EYS: variants seen among roughly 807,000 people sequenced by gnomAD.
The protein encoded by EYS is EGF-like photoreceptor maintenance factor.
A neutral mutation model predicts 282.1 loss-of-function variants in EYS; 250 were observed. That is an observed-to-expected ratio of 0.89 (90% CI 0.80 to 0.98). EYS has a LOEUF of 0.98. Among genes scored for constraint, EYS ranks in the 50% least tolerant of loss-of-function variants. The pLI is 0.00. For synonymous variants in EYS, 1,355 were observed against 1,282.9 expected, an observed-to-expected ratio of 1.06 and a Z score of -1.20; for missense variants, 4,016 against 3,709.0, an observed-to-expected ratio of 1.08 and a Z score of -2.15.
At chr6:65,471,894 C>A (rs995655839) in intron 5 of EYS, among the ~76,000 whole-genome samples, 2 of 151,818 alleles carry the variant, frequency 1.3e-5, no homozygotes, top group African/African-American at 4.8e-5. Context: ...TTAAATGAGA[C>A]ATATTTAAAA....
chr6:64,026,485 T>C (rs988090095), intron 33 of EYS, among the ~76,000 whole-genome samples: 9 of 152,274 alleles, frequency 5.9e-5, no homozygotes, highest in Non-Finnish European at 1.2e-4. Context: ...TTGGCCCCAA[T>C]ATTCTCTCTC....
chr6:63,940,540 G>T (rs1765202658), intron 35 of EYS, among the ~76,000 whole-genome samples: 2 of 152,180 alleles, frequency 1.3e-5, no homozygotes, highest in Non-Finnish European at 2.9e-5. Flanking sequence ...GCCAGCAAAG[G>T]ATGGTTTGTT....
At chr6:65,286,684 A>G (rs1768376716) in intron 12 of EYS, among the ~76,000 whole-genome samples, 1 of 151,860 alleles carries the variant, frequency 6.6e-6, no homozygotes, top group East Asian at 1.9e-4. Context: ...TAAAAAGGGA[A>G]GAAAAACAAG....
chr6:65,169,087 T>C lies in EYS; in HGVS notation c.2024-111360A>G, dbSNP rs527911007. Among the ~76,000 whole-genome samples the C allele has an allele frequency of 2.6e-5, 4 of 151,638 alleles. No individual in the cohort carries two copies. In the South Asian group the frequency reaches 6.2e-4, roughly 24 times the overall value. ...ACATTTACTTTATGTACTAATGTAC[T>C]TGTATTGTTATGTGACTGAGTCCAA... On this transcript the variant is annotated intron_variant, in intron 12 of 42. Transcript: ENST00000503581.
intron 26 of EYS, among the ~76,000 whole-genome samples, chr6:64,513,546 T>G (rs559972873): frequency 6.6e-6 from 1 of 152,010 alleles, no homozygotes; most frequent in Non-Finnish European, 1.5e-5. Flanking sequence ...AACAAATGAT[T>G]AAGTGCTAAA....
intron 19 of EYS, among the ~76,000 whole-genome samples, chr6:64,824,874 G>A (rs937965964): frequency 6.6e-6 from 1 of 151,726 alleles, no homozygotes; most frequent in African/African-American, 2.4e-5. Context: ...AATTAAAATT[G>A]TGGTTATAAT....
intron 14 of EYS, among the ~76,000 whole-genome samples, chr6:64,986,502 A>ATT (rs34387910): frequency 3.8e-4 from 5 of 13,316 alleles, no homozygotes; most frequent in Admixed American, 3.6e-3. Flanking sequence ...GTCCTATGCA[A>ATT]TTTTTTTTTT....
At chr6:64,969,265 C>A (rs1770208381) in intron 14 of EYS, among the ~76,000 whole-genome samples, 2 of 152,128 alleles carry the variant, frequency 1.3e-5, no homozygotes, top group African/African-American at 4.8e-5. Context: ...TGGCCCATAG[C>A]ATGCTGTAGT....
At chr6:64,582,058 C>T (rs1766087372) in intron 26 of EYS, among the ~76,000 whole-genome samples, 1 of 152,108 alleles carries the variant, frequency 6.6e-6, no homozygotes, top group African/African-American at 2.4e-5. Context: ...GGCAAGTTTT[C>T]CTGTAAAGAA....
chr6:63,873,765 C>T (rs925400655), intron 35 of EYS, among the ~76,000 whole-genome samples: 1 of 151,932 alleles, frequency 6.6e-6, no homozygotes, highest in African/African-American at 2.4e-5. Flanking sequence ...TGATGATGAG[C>T]ATTTTTTTCA....
At chr6:63,960,807 T>C (rs772013957) in intron 35 of EYS, among the ~76,000 whole-genome samples, 24 of 152,252 alleles carry the variant, frequency 1.6e-4, no homozygotes, top group Non-Finnish European at 2.8e-4. Context: ...ATAATATTCT[T>C]GTGCACTTAA....
intron 35 of EYS, among the ~76,000 whole-genome samples, chr6:63,972,106 G>T (rs974166368): frequency 1.3e-5 from 2 of 152,114 alleles, no homozygotes; most frequent in Non-Finnish European, 2.9e-5. Flanking sequence ...TAGTTAATAG[G>T]TATTCCTGGA....
At chr6:65,636,395 C>G (rs1167147271) in intron 2 of EYS, among the ~76,000 whole-genome samples, 2 of 152,166 alleles carry the variant, frequency 1.3e-5, no homozygotes, top group African/African-American at 2.4e-5. Context: ...CCTGAACATG[C>G]CAAGCATTCT....
intron 26 of EYS, among the ~76,000 whole-genome samples, chr6:64,587,960 A>G (rs1211041474): frequency 7.2e-5 from 11 of 152,056 alleles, no homozygotes; most frequent in Non-Finnish European, 1.6e-4. Flanking sequence ...AGGCTCTGGA[A>G]CAATTGTATC....
intron 31 of EYS, among the ~76,000 whole-genome samples, chr6:64,160,540 T>C (rs1430101749): frequency 2.6e-5 from 4 of 152,218 alleles, no homozygotes; most frequent in Admixed American, 6.5e-5. Flanking sequence ...ATTCAAGATA[T>C]AGCTAAAACC....
At chr6:64,092,478 T>G (rs541951133) in intron 31 of EYS, among the ~76,000 whole-genome samples, 1 of 152,148 alleles carries the variant, frequency 6.6e-6, no homozygotes, top group Admixed American at 6.5e-5. Flanking sequence ...ATTGTGGTTT[T>G]GATTTGCATT....
At chr6:64,759,963 A>C (rs1419026920) in intron 22 of EYS, among the ~76,000 whole-genome samples, 1 of 152,214 alleles carries the variant, frequency 6.6e-6, no homozygotes, top group Non-Finnish European at 1.5e-5. Flanking sequence ...TGAGGCAAAA[A>C]AATGTTTTCA....
chr6:65,155,251 C>T lies in EYS; in HGVS notation c.2024-97524G>A, dbSNP rs989297465. ...ATCTAGATTAAGCCTTAACATAACTCTTTCATCAAAGCTACTACACTGACA... is the reference window on the plus strand; with the variant it reads ...ATCTAGATTAAGCCTTAACATAACTTTTTCATCAAAGCTACTACACTGACA... On this transcript the variant is annotated intron_variant, in intron 12 of 42. Transcript: ENST00000503581. Among the ~76,000 whole-genome samples, 18 of 151,438 alleles carry T rather than the reference C, an allele frequency of 1.2e-4. 1 individual carries two copies. Among genetic ancestry groups the T allele is most frequent in the Admixed American group, 5.3e-4 (8 of 15,128 alleles).
At chr6:64,383,433 G>C (rs914195831) in intron 29 of EYS, among the ~76,000 whole-genome samples, 6 of 152,196 alleles carry the variant, frequency 3.9e-5, no homozygotes, top group Non-Finnish European at 8.8e-5. Context: ...ATAATGTCTT[G>C]ACTTGTGATT....
Sources: allele counts gnomAD v4.1 joint callset (sites outside exome capture counted in the v4.1 genomes callset), GRCh38; gene constraint gnomAD v4.1.1; transcripts MANE v1.5; gene names NCBI Gene and HGNC (gene_info 2026-07-23, HGNC 2026-07-21).